The following ZBTB7C variants were observed in gnomAD, a reference collection of about 807,000 sequenced individuals.
ZBTB7C encodes the protein zinc finger and BTB domain containing 7C.
In ZBTB7C, 8 loss-of-function variants were observed where a neutral mutation model predicts 25.7. That is an observed-to-expected ratio of 0.31 (90% confidence interval 0.18 to 0.56). The LOEUF is 0.56. Ranked by LOEUF, ZBTB7C falls within the 20% of genes least tolerant of loss-of-function variation. The pLI is 0.91. For synonymous variants in ZBTB7C, 394 were observed against 369.0 expected, an observed-to-expected ratio of 1.07 and a Z score of -0.78; for missense variants, 824 against 855.2, an observed-to-expected ratio of 0.96 and a Z score of 0.46.
intron 2 of ZBTB7C, among the ~76,000 whole-genome samples, chr18:48,264,679 C>A (rs2044261550): frequency 6.6e-6 from 1 of 152,150 alleles, no homozygotes; most frequent in Non-Finnish European, 1.5e-5. Flanking sequence ...TCACCCTCCC[C>A]CTAACCCGGC....
intron 1 of ZBTB7C, among the ~76,000 whole-genome samples, chr18:48,368,873 A>G (rs2145149409): frequency 6.6e-6 from 1 of 152,230 alleles, no homozygotes; most frequent in South Asian, 2.1e-4. Flanking sequence ...GAGATAAAGG[A>G]AAACTAAGAT....
At chr18:48,137,032 C>T (rs889952207) in intron 3 of ZBTB7C, 7 of 985,144 alleles carry the variant, frequency 7.1e-6, no homozygotes, top group African/African-American at 5.2e-5. Flanking sequence ...ACGCCGCGCT[C>T]GTGCCCGGGC....
intron 3 of ZBTB7C, among the ~76,000 whole-genome samples, chr18:48,098,510 G>T (rs189475278): frequency 5.3e-5 from 8 of 152,264 alleles, no homozygotes; most frequent in South Asian, 2.1e-4. Flanking sequence ...AGATGGTCTC[G>T]GTTTCCAGGA....
intron 2 of ZBTB7C, among the ~76,000 whole-genome samples, chr18:48,219,210 C>T (rs1238524183): frequency 1.3e-5 from 2 of 152,130 alleles, no homozygotes; most frequent in Non-Finnish European, 2.9e-5. Flanking sequence ...AGAAGTATAT[C>T]GGACTCACTC....
At chr18:48,160,851 T>C (rs1365992651) in intron 3 of ZBTB7C, among the ~76,000 whole-genome samples, 1 of 151,534 alleles carries the variant, frequency 6.6e-6, no homozygotes, top group African/African-American at 2.4e-5. Context: ...GAGGGATCCC[T>C]GAAAGGCCTC....
At chr18:48,368,565 G>A (rs2047309331) in intron 1 of ZBTB7C, among the ~76,000 whole-genome samples, 1 of 152,120 alleles carries the variant, frequency 6.6e-6, no homozygotes, top group Admixed American at 6.6e-5. Flanking sequence ...TTTGGAAAAA[G>A]ATAAACCTAC....
chr18:48,189,818 A>C (rs1156789614), intron 2 of ZBTB7C, among the ~76,000 whole-genome samples: 7 of 152,162 alleles, frequency 4.6e-5, no homozygotes, highest in African/African-American at 7.2e-5. Flanking sequence ...TGTTTTCTTG[A>C]ATCTCCAAAA....
rs570402177 is a variant in ZBTB7C, at chr18:48,358,406, T to G, written c.-303-20008A>C. Reference sequence around the variant, plus strand: ...TCTGCCCTGTCTCTCTTGCTCCCACTCTCACCCTGTGACACTGCCTGCTCT... The same window carrying G: ...TCTGCCCTGTCTCTCTTGCTCCCACGCTCACCCTGTGACACTGCCTGCTCT... On this transcript the variant is annotated intron_variant, in intron 1 of 4. Transcript: ENST00000590800. Among the ~76,000 whole-genome samples, 42 of 152,216 alleles carry G rather than the reference T, an allele frequency of 2.8e-4. No individual in the cohort carries two copies. In the South Asian group the frequency reaches 8.3e-3, roughly 30 times the overall value.
At chr18:48,204,693 A>G in intron 2 of ZBTB7C, among the ~76,000 whole-genome samples, 1 of 152,082 alleles carries the variant, frequency 6.6e-6, no homozygotes, top group South Asian at 2.1e-4. Context: ...CAAATATTTG[A>G]CAAATGGTTG....
intron 3 of ZBTB7C, among the ~76,000 whole-genome samples, chr18:48,099,577 G>A (rs1280312464): frequency 3.3e-5 from 5 of 152,192 alleles, no homozygotes; most frequent in South Asian, 4.1e-4. Flanking sequence ...TACCAAAGGC[G>A]TGTGAGAGGT....
chr18:48,180,116 C>CTTCCTTCCT (rs1195968790), intron 3 of ZBTB7C, among the ~76,000 whole-genome samples: 8 of 116,714 alleles, frequency 6.9e-5, no homozygotes, highest in African/African-American at 2.4e-4. Flanking sequence ...CCTTCCTTTC[C>CTTCCTTCCT]TTCCTTCCTT....
At position 48,029,926 on chromosome 18, in the gene ZBTB7C, C is replaced by A. The variant is rs771583621; in HGVS notation, c.1209-15G>T. 1.9e-6 allele frequency: 3 copies of A among 1,609,694 alleles called. No individual in the cohort carries two copies. The highest frequency in any genetic ancestry group is 1.6e-4 in the Middle Eastern group (1 of 6,082). ...GCTTGTCCTGCCTGCAATGCAGAGA[C>A]TGGGGGTCAGTCCCGCAGGGAACAC... On this transcript the variant is annotated splice_polypyrimidine_tract_variant and intron_variant, in intron 4 of 4. Coordinates refer to ENST00000590800, the MANE Select transcript of ZBTB7C (RefSeq NM_001318841.2).
At chr18:48,093,923 G>C (rs1190780989) in intron 3 of ZBTB7C, among the ~76,000 whole-genome samples, 1 of 152,138 alleles carries the variant, frequency 6.6e-6, no homozygotes. Context: ...GCTGGGCGTA[G>C]TGGCAGGTGC....
At position 48,295,832 on chromosome 18, in the gene ZBTB7C, G is replaced by C. The variant is rs545205379; in HGVS notation, c.-79+42342C>G. On this transcript the variant is annotated intron_variant, in intron 2 of 4. Coordinates refer to ENST00000590800, the MANE Select transcript of ZBTB7C (RefSeq NM_001318841.2). ...CCCTCAGCCCAGCAGCAGCAGGAGG[G>C]GGGCAGTCGCAGGCGAGTGGGGAAG... 1.8e-3 allele frequency among the ~76,000 whole-genome samples: 271 copies of C among 152,278 alleles called. 1 individual carries two copies. The highest frequency in any genetic ancestry group is 5.1e-3 in the Admixed American group (78 of 15,302).
intron 1 of ZBTB7C, among the ~76,000 whole-genome samples, chr18:48,339,909 G>A (rs1056874055): frequency 1.2e-4 from 18 of 152,186 alleles, no homozygotes; most frequent in Non-Finnish European, 2.5e-4. Context: ...AGGCTAGGCT[G>A]ACCTTGAGCC....
chr18:48,289,838 CT>C (rs1192056882), intron 2 of ZBTB7C, among the ~76,000 whole-genome samples: 2 of 152,088 alleles, frequency 1.3e-5, no homozygotes, highest in African/African-American at 4.8e-5. Flanking sequence ...ACTCTGCACT[CT>C]GAAAAGTCCT....
chr18:48,177,198 G>A (rs1355661066), intron 3 of ZBTB7C, among the ~76,000 whole-genome samples: 3 of 152,238 alleles, frequency 2.0e-5, no homozygotes, highest in Non-Finnish European at 4.4e-5. Context: ...GCCAGCTGGA[G>A]GGTGGCTTCC....
chr18:48,307,577 C>T (rs940982325), intron 2 of ZBTB7C, among the ~76,000 whole-genome samples: 9 of 152,308 alleles, frequency 5.9e-5, no homozygotes, highest in Middle Eastern at 6.8e-3. Context: ...TGGCCGGGTG[C>T]GGTGGCTCAC....
intron 3 of ZBTB7C, among the ~76,000 whole-genome samples, chr18:48,116,110 T>A (rs1348994739): frequency 6.6e-6 from 1 of 151,966 alleles, no homozygotes; most frequent in African/African-American, 2.4e-5. Context: ...AGAAAGTTAA[T>A]CCATTCCTCT....
Sources: allele counts gnomAD v4.1 joint callset (sites outside exome capture counted in the v4.1 genomes callset), GRCh38; gene constraint gnomAD v4.1.1; transcripts MANE v1.5; gene names NCBI Gene and HGNC (gene_info 2026-07-23, HGNC 2026-07-21).